CFAP99: variants seen among roughly 807,000 people sequenced by gnomAD.
CFAP99 encodes the protein cilia and flagella associated protein 99, also known as cilia- and flagella-associated protein 99.
CFAP99 carries 84 observed loss-of-function variants against 82.7 expected under a neutral mutation model. The ratio of observed to expected loss-of-function variants is 1.02; its 90% CI spans 0.85 to 1.22. The LOEUF is 1.22. CFAP99 is among the 50% of genes most tolerant of loss of function. CFAP99 has a pLI of 0.00. For missense variants in CFAP99, 1,059 were observed against 983.5 expected (o/e 1.08, Z -1.03); for synonymous variants, 456 against 429.5 (o/e 1.06, Z -0.76).
At chr4:2,443,358 G>C (rs1334294681) in intron 5 of CFAP99, 116 bp downstream of exon 5, 1 of 677,466 alleles carries the variant, frequency 1.5e-6, no homozygotes, top group Non-Finnish European at 2.6e-6. Context: ...CTCTATGAGT[G>C]TCAGTAATCA....
At chr4:2,459,042 G>C (rs1578484058) in intron 12 of CFAP99, 65 bp from the exon 13 acceptor site, 1 of 1,456,226 alleles carries the variant, frequency 6.9e-7, no homozygotes. Flanking sequence ...TGGGGGAGGT[G>C]CCTTCCTGTC....
chr4:2,421,624 C>T (rs1348527806), intron 1 of CFAP99, among the ~76,000 whole-genome samples: 2 of 152,154 alleles, frequency 1.3e-5, no homozygotes, highest in African/African-American at 2.4e-5. Flanking sequence ...GCTGGGATTA[C>T]AGGCATGAGC....
rs538755131 is a variant in CFAP99, at chr4:2,443,701, A to G, written c.464+459A>G. 2.6e-5 allele frequency among the ~76,000 whole-genome samples: 4 copies of G among 152,112 alleles called. No individual in the cohort carries two copies. In the South Asian group the frequency reaches 8.3e-4, roughly 32 times the overall value. ...GTGGAGGGAGCTGAGGAAGCCACAG[A>G]TCAGTTCCTGGTGGATTCTGGGGTC... On this transcript the variant is annotated intron_variant, in intron 5 of 14. Transcript: ENST00000635017.
At chr4:2,452,458 A>T (rs992608644) in intron 11 of CFAP99, 112 bp downstream of exon 11, 2 of 1,129,796 alleles carry the variant, frequency 1.8e-6, no homozygotes, top group African/African-American at 3.1e-5. Flanking sequence ...GCGCCCCCGT[A>T]GAAGCTACTG....
At chr4:2,423,082 C>T (rs1733615516) in intron 1 of CFAP99, among the ~76,000 whole-genome samples, 2 of 152,300 alleles carry the variant, frequency 1.3e-5, no homozygotes, top group Admixed American at 6.5e-5. Context: ...GAGCTGTGAG[C>T]TCACTGCCTA....
At chr4:2,436,773 C>T (rs575886078) in intron 2 of CFAP99, 101 bp from the exon 3 acceptor site, 39 of 972,930 alleles carry the variant, frequency 4.0e-5, no homozygotes, top group South Asian at 6.1e-5. Flanking sequence ...TTTGCAGCCC[C>T]GGGGCCGCTC....
chr4:2,426,671 C>G, intron 2 of CFAP99, 85 bp downstream of exon 2: 1 of 841,506 alleles, frequency 1.2e-6, no homozygotes, highest in Non-Finnish European at 1.9e-6. Flanking sequence ...AAATGCCTTC[C>G]TAACGACTGC....
At chr4:2,426,872 T>A in intron 2 of CFAP99, 1 of 381,956 alleles carries the variant, frequency 2.6e-6, no homozygotes, top group Non-Finnish European at 4.9e-6. Flanking sequence ...GGGTCAGCCC[T>A]GGAGCGCCCC....
At chr4:2,458,971 C>G (rs1465583497) in intron 12 of CFAP99, 107 bp downstream of exon 12, 1 of 1,453,638 alleles carries the variant, frequency 6.9e-7, no homozygotes, top group Non-Finnish European at 9.1e-7. Flanking sequence ...GGGTCAGGGA[C>G]CCCTTGAGGG....
intron 1 of CFAP99, among the ~76,000 whole-genome samples, chr4:2,425,822 C>A (rs111502518): frequency 1.3e-5 from 2 of 152,134 alleles, no homozygotes; most frequent in African/African-American, 2.4e-5. Flanking sequence ...GGGCTCTGGG[C>A]AAGCCTGTCC....
In CFAP99 at chr4:2,426,344, C is replaced by T. The variant is rs566979816; in HGVS notation, c.-17-115C>T. 50 of 685,340 alleles carry T rather than the reference C, an allele frequency of 7.3e-5. No individual in the cohort carries two copies. The South Asian group carries it at 8.4e-4, about 11-fold the overall frequency. 42.5% of individuals were successfully genotyped at this position (685,340 alleles called of 1,614,324 possible). ...CCCTAGCCAGGGCCCCCAGTCACAT[C>T]CGGTCTTCCTGCTGCTACAGGCCCA... On this transcript the variant is annotated intron_variant, in intron 1 of 14. Coordinates refer to ENST00000635017, the Ensembl canonical transcript of CFAP99.
chr4:2,462,772 G>GC lies in CFAP99; in HGVS notation c.1992dup (p.Val665ArgfsTer?). The GC allele has an allele frequency of 7.9e-7, 1 of 1,261,676 alleles. No homozygotes were observed. Among genetic ancestry groups the GC allele is most frequent in the East Asian group, 3.3e-5 (1 of 30,072 alleles). The allele number at this position is 1,261,676 out of a possible 1,614,324, so 78.2% of individuals were successfully genotyped here. ...GCGGCGGGCGCGGGAGGCGGTGGGG[G>GC]CGTCCCTGCCCGCGCCGACGCGTTC... is the stretch of plus-strand genomic sequence containing the variant. On this transcript the variant is annotated frameshift_variant, in exon 15 of 15. Coordinates refer to ENST00000635017, the Ensembl canonical transcript of CFAP99. LOFTEE classifies it low-confidence loss of function (END_TRUNC). The surrounding 1 kb of genome is among the most constrained non-coding windows in gnomAD (Gnocchi z 4.1).
chr4:2,449,839 AAG>A, intron 7 of CFAP99, 89 bp downstream of exon 7: 7 of 1,529,260 alleles, frequency 4.6e-6, no homozygotes, highest in Non-Finnish European at 5.3e-6. Context: ...AAGAGGAGGC[AAG>A]AGGGGGAGGC....
chr4:2,455,112 C>T (rs1283727977), intron 11 of CFAP99, among the ~76,000 whole-genome samples: 2 of 152,256 alleles, frequency 1.3e-5, no homozygotes, highest in Non-Finnish European at 2.9e-5. Context: ...GTTGCCCAGG[C>T]TGGTCTCTAA....
chr4:2,459,455 G>A (rs1023425961), intron 13 of CFAP99, among the ~76,000 whole-genome samples, 197 bp downstream of exon 13: 8 of 152,234 alleles, frequency 5.3e-5, no homozygotes, highest in African/African-American at 1.9e-4. Flanking sequence ...AAGCCTGCGG[G>A]CAAGGCACAC....
rs775253452 is a variant in CFAP99, at chr4:2,443,126, CCA to C, written c.352-3_352-2del. 1 of 1,514,618 alleles carries C rather than the reference CCA, an allele frequency of 6.6e-7. No homozygotes were observed. Among genetic ancestry groups the C allele is most frequent in the South Asian group, 1.2e-5 (1 of 83,588 alleles). 93.8% of individuals were successfully genotyped at this position (1,514,618 alleles called of 1,614,324 possible). ...GGCCCCCTGACAGCCCCCGTCCACC[CCA>C]GTTCCTCAGGTTCTTCTTCAACCCC... On this transcript the variant is annotated splice_acceptor_variant and splice_polypyrimidine_tract_variant and intron_variant, in intron 4 of 14. Coordinates refer to ENST00000635017, the Ensembl canonical transcript of CFAP99. LOFTEE classifies it high-confidence loss of function.
chr4:2,423,332 G>A (rs1268255770), intron 1 of CFAP99, among the ~76,000 whole-genome samples: 1 of 152,260 alleles, frequency 6.6e-6, no homozygotes, highest in Non-Finnish European at 1.5e-5. Context: ...CCCGAGGAGA[G>A]GGGCTGAATT....
At chr4:2,454,296 C>T (rs11932291) in intron 11 of CFAP99, among the ~76,000 whole-genome samples, 40 of 152,114 alleles carry the variant, frequency 2.6e-4, no homozygotes, top group African/African-American at 8.2e-4. Flanking sequence ...CCACCGTGCC[C>T]GGCCTACTTT....
Position 2,448,016 on chromosome 4 carries a change from GATGA to G in CFAP99, c.643-1650_643-1647del, listed in dbSNP as rs60336900. 5.2e-3 allele frequency among the ~76,000 whole-genome samples: 778 copies of G among 149,572 alleles called. 9 individuals are homozygous for G. The highest frequency in any genetic ancestry group is 0.019 in the African/African-American group (753 of 40,490). On this transcript the variant is annotated intron_variant, in intron 6 of 14. Transcript: ENST00000635017. The surrounding 1 kb of genome is among the most constrained non-coding windows in gnomAD (Gnocchi z 5.2). Reference sequence around the variant, plus strand: ...GGATAAGTAGATGGATGGATAAGTGGATGAATGGATGGATGGATGGATGGATGAT... The same window carrying G: ...GGATAAGTAGATGGATGGATAAGTGGATGGATGGATGGATGGATGGATGAT...
Sources: gnomAD v4.1 joint callset for allele counts (sites outside exome capture counted in the v4.1 genomes callset) on GRCh38, gnomAD v4.1.1 for gene constraint, Gnocchi (gnomAD v3.1) non-coding constraint, MANE v1.5 for transcripts, NCBI Gene and HGNC (gene_info 2026-07-23, HGNC 2026-07-21) for gene names.